The following CYRIA variants were observed in gnomAD, a reference collection of about 807,000 sequenced individuals.
CYRIA encodes CYFIP related Rac1 interactor A, also known as CYFIP-related Rac1 interactor A.
Under a neutral mutation model 43.9 loss-of-function variants are expected in CYRIA, and 15 were observed. The ratio of observed to expected loss-of-function variants is 0.34; its 90% CI spans 0.23 to 0.53. The LOEUF (loss-of-function observed/expected upper bound fraction) is 0.53. Among genes scored for constraint, CYRIA ranks in the 20% least tolerant of loss-of-function variants. CYRIA has a pLI of 0.94. For missense variants in CYRIA, 236 were observed against 394.2 expected (o/e 0.60, Z 3.40); for synonymous variants, 117 against 136.0 (o/e 0.86, Z 0.97).
chr2:16,633,489 CTG>C (rs1669391500), intron 1 of CYRIA, among the ~76,000 whole-genome samples: 1 of 149,180 alleles, frequency 6.7e-6, no homozygotes, highest in African/African-American at 2.5e-5. Flanking sequence ...TCTTGGCTCA[CTG>C]CAATGTCCAC....
At chr2:16,606,620 G>A (rs936926098) in intron 2 of CYRIA, among the ~76,000 whole-genome samples, 2 of 151,618 alleles carry the variant, frequency 1.3e-5, no homozygotes, top group African/African-American at 4.8e-5. Context: ...ACAGGCAACT[G>A]TGTCACACAT....
chr2:16,553,965 A>G (rs1389133212), intron 11 of CYRIA, among the ~76,000 whole-genome samples: 1 of 152,170 alleles, frequency 6.6e-6, no homozygotes, highest in African/African-American at 2.4e-5. Context: ...GAAGGCTCTT[A>G]CATTAATACT....
chr2:16,605,471 G>A (rs1208105677), intron 2 of CYRIA, among the ~76,000 whole-genome samples: 1 of 152,206 alleles, frequency 6.6e-6, no homozygotes, highest in African/African-American at 2.4e-5. Flanking sequence ...TGAGGAAACT[G>A]CTTGAGACAC....
At chr2:16,561,609 A>G (rs1215073277) in intron 6 of CYRIA, 76 bp from the exon 7 acceptor site, 7 of 1,126,220 alleles carry the variant, frequency 6.2e-6, no homozygotes, top group South Asian at 2.5e-5. Flanking sequence ...GAGCCCAGAC[A>G]CTAGATTTTA....
At chr2:16,631,791 C>T (rs1333975569) in intron 1 of CYRIA, among the ~76,000 whole-genome samples, 1 of 152,180 alleles carries the variant, frequency 6.6e-6, no homozygotes, top group Non-Finnish European at 1.5e-5. Context: ...GGTTCTAGGC[C>T]AACGCTGCCT....
chr2:16,604,819 A>G (rs1445394933), intron 2 of CYRIA, among the ~76,000 whole-genome samples: 1 of 152,250 alleles, frequency 6.6e-6, no homozygotes, highest in African/African-American at 2.4e-5. Context: ...CAATGAAGTC[A>G]TGAGGTTTTC....
chr2:16,651,781 G>T (rs1276528905), intron 1 of CYRIA, among the ~76,000 whole-genome samples: 2 of 151,828 alleles, frequency 1.3e-5, no homozygotes, highest in African/African-American at 4.9e-5. Context: ...CAGGTGCCGT[G>T]AATTTTTTTT....
intron 11 of CYRIA, 94 bp downstream of exon 11, chr2:16,554,975 G>T (rs749512786): frequency 1.8e-4 from 156 of 857,548 alleles, no homozygotes; most frequent in Non-Finnish European, 2.6e-4. Flanking sequence ...ATATGCAAGG[G>T]TTAAGTTTGG....
At position 16,577,774 on chromosome 2, in the gene CYRIA, A is replaced by G. The variant is rs188184710; in HGVS notation, c.70+10276T>C. ...CACCAAGTGCTAACAAAAGAAGTTG[A>G]GAACAAGAAAGGAAAAAAGATTTTA... On this transcript the variant is annotated intron_variant, in intron 3 of 11. Transcript: ENST00000381323. 6.5e-3 allele frequency among the ~76,000 whole-genome samples: 996 copies of G among 152,366 alleles called. 2 individuals are homozygous for G. The highest frequency in any genetic ancestry group is 0.01 in the Non-Finnish European group (714 of 68,032).
At chr2:16,665,123 C>T (rs921518108) in intron 1 of CYRIA, among the ~76,000 whole-genome samples, 4 of 152,176 alleles carry the variant, frequency 2.6e-5, no homozygotes, top group African/African-American at 9.7e-5. Flanking sequence ...GGTGTCTCCA[C>T]CAAAAAGCAT....
At chr2:16,645,406 G>C (rs6706997) in intron 1 of CYRIA, among the ~76,000 whole-genome samples, 1 of 152,116 alleles carries the variant, frequency 6.6e-6, no homozygotes. Flanking sequence ...AAAACGAAGC[G>C]GATATGCACC....
chr2:16,561,915 C>A (rs1666749612), intron 6 of CYRIA, 90 bp downstream of exon 6: 1 of 1,287,714 alleles, frequency 7.8e-7, no homozygotes, highest in East Asian at 2.4e-5. Context: ...CATTTCTCTA[C>A]CCACCCACCC....
chr2:16,557,426 C>T (rs78264775), intron 10 of CYRIA, among the ~76,000 whole-genome samples: 168 of 152,186 alleles, frequency 1.1e-3, no homozygotes, highest in Middle Eastern at 3.4e-3. Context: ...CAGGCCCTCA[C>T]GAAGAGATCC....
chr2:16,647,190 C>T (rs1669845397), intron 1 of CYRIA, among the ~76,000 whole-genome samples: 1 of 152,194 alleles, frequency 6.6e-6, no homozygotes. Flanking sequence ...ATATCTGGTA[C>T]AATCTTCCTT....
chr2:16,661,386 T>C (rs1488083243), intron 1 of CYRIA, among the ~76,000 whole-genome samples: 1 of 152,226 alleles, frequency 6.6e-6, no homozygotes, highest in Non-Finnish European at 1.5e-5. Context: ...GGAAAGCAAC[T>C]GTTATGCTTT....
intron 1 of CYRIA, among the ~76,000 whole-genome samples, chr2:16,663,812 G>T (rs1670323693): frequency 6.6e-6 from 1 of 152,152 alleles, no homozygotes; most frequent in Non-Finnish European, 1.5e-5. Context: ...GAAAAGTGGA[G>T]ACACCTTCTA....
At position 16,576,056 on chromosome 2, in the gene CYRIA, A is replaced by C. The variant is rs569069154; in HGVS notation, c.71-10289T>G. On this transcript the variant is annotated intron_variant, in intron 3 of 11. Transcript: ENST00000381323. The stretch of plus-strand genomic sequence containing the variant: ...GTCCATTAAACTTTTTTCTTTTGTA[A>C]ATTGCCCAATCTCGGGTATGTCTTT... Among the ~76,000 whole-genome samples, 8 of 152,110 alleles carry C rather than the reference A, an allele frequency of 5.3e-5. No individual in the cohort carries two copies. The South Asian group carries it at 1.7e-3, about 32-fold the overall frequency.
chr2:16,599,746 T>C (rs1163951727), intron 2 of CYRIA, among the ~76,000 whole-genome samples: 2 of 152,088 alleles, frequency 1.3e-5, no homozygotes, highest in African/African-American at 4.8e-5. Context: ...TCGGCCATCT[T>C]GGCTCCTCCT....
At chr2:16,659,545 G>A (rs747308857) in intron 1 of CYRIA, among the ~76,000 whole-genome samples, 7 of 152,190 alleles carry the variant, frequency 4.6e-5, no homozygotes, top group Non-Finnish European at 7.3e-5. Context: ...TTGTAAGTGG[G>A]CAGCGTGACT....
Sources: allele counts gnomAD v4.1 joint callset (sites outside exome capture counted in the v4.1 genomes callset), GRCh38; gene constraint gnomAD v4.1.1; transcripts MANE v1.5; gene names NCBI Gene and HGNC (gene_info 2026-07-23, HGNC 2026-07-21).